The following PHF21B variants were observed in gnomAD, a reference collection of about 807,000 sequenced individuals.
The protein encoded by PHF21B is PHD finger protein 21B.
Under a neutral mutation model 62.2 loss-of-function variants are expected in PHF21B, and 22 were observed. That is an observed-to-expected ratio of 0.35 (90% CI 0.25 to 0.51). The LOEUF is 0.51. Ranked by LOEUF, PHF21B falls within the 20% of genes least tolerant of loss-of-function variation. The pLI, the probability that PHF21B is intolerant of heterozygous loss-of-function variation, is 0.97. For synonymous variants in PHF21B, 341 were observed against 314.7 expected (o/e 1.08, Z -0.88); for missense variants, 701 against 707.9 (o/e 0.99, Z 0.11).
chr22:44,962,957 GTTCTACC>G (rs1321866170), intron 2 of PHF21B, among the ~76,000 whole-genome samples: 2 of 152,192 alleles, frequency 1.3e-5, no homozygotes, highest in African/African-American at 2.4e-5. Context: ...ATCATGACTC[GTTCTACC>G]TTTGCATTAC....
Position 44,905,807 on chromosome 22 carries a change from T to C in PHF21B, c.831+8015A>G, listed in dbSNP as rs572165734. ...CCAGGCCTGGCTAATTTTTTGTATTTTGAGTAGAGACAGGGTTTCACCGTG... is the reference window on the plus strand; with the variant it reads ...CCAGGCCTGGCTAATTTTTTGTATTCTGAGTAGAGACAGGGTTTCACCGTG... On this transcript the variant is annotated intron_variant, in intron 5 of 12. Coordinates refer to ENST00000313237, the MANE Select transcript of PHF21B (RefSeq NM_138415.5). 1.5e-3 allele frequency among the ~76,000 whole-genome samples: 227 copies of C among 152,300 alleles called. 1 individual carries two copies. The highest frequency in any genetic ancestry group is 7.7e-3 in the South Asian group (37 of 4,826).
intron 2 of PHF21B, among the ~76,000 whole-genome samples, chr22:44,964,127 T>A (rs188829641): frequency 6.6e-6 from 1 of 152,188 alleles, no homozygotes; most frequent in Non-Finnish European, 1.5e-5. Context: ...GTGGGGAAGA[T>A]GAAACAGATG....
At chr22:44,883,590 A>ACTCTTC (rs1202383707) in intron 12 of PHF21B, among the ~76,000 whole-genome samples, 1 of 151,432 alleles carries the variant, frequency 6.6e-6, no homozygotes, top group Non-Finnish European at 1.5e-5. Flanking sequence ...AGCTGCCCAC[A>ACTCTTC]CTCTTCCTCC....
At chr22:44,961,435 C>A (rs1250875622) in intron 2 of PHF21B, among the ~76,000 whole-genome samples, 1 of 152,132 alleles carries the variant, frequency 6.6e-6, no homozygotes, top group Non-Finnish European at 1.5e-5. Flanking sequence ...CTCTAGGAGT[C>A]CCTAGTATCC....
rs758015779 is a variant in PHF21B at position 44,896,880 on chromosome 22, G to GTTTTTTGTTT, written c.832-798_832-797insAAACAAAAAA. 4.4e-4 allele frequency among the ~76,000 whole-genome samples: 37 copies of GTTTTTTGTTT among 84,046 alleles called. No individual in the cohort carries two copies. In the South Asian group the frequency reaches 0.012, roughly 28 times the overall value. The allele number at this position is 84,046 out of a possible 152,430, so 55.1% of individuals were successfully genotyped here. ...AACAGGGTGGCACTTAGTTTTATCT[G>GTTTTTTGTTT]TTTTTTTTTTTTTTTTGAGACAGGT... On this transcript the variant is annotated intron_variant, in intron 5 of 12. Transcript: ENST00000313237.
At chr22:44,967,434 G>A (rs1454170697) in intron 2 of PHF21B, among the ~76,000 whole-genome samples, 1 of 152,044 alleles carries the variant, frequency 6.6e-6, no homozygotes, top group Non-Finnish European at 1.5e-5. Flanking sequence ...TGTTAGCCAG[G>A]ATAGTCTCGA....
intron 2 of PHF21B, among the ~76,000 whole-genome samples, chr22:44,978,973 G>A (rs867225018): frequency 2.0e-5 from 3 of 152,246 alleles, no homozygotes; most frequent in South Asian, 2.1e-4. Flanking sequence ...CATCTTCCCA[G>A]TTCACAGCCT....
At chr22:44,912,883 A>AAAAAAAAAAAAAAAAAAAAAAAG (rs2071368403) in intron 5 of PHF21B, among the ~76,000 whole-genome samples, 1 of 149,016 alleles carries the variant, frequency 6.7e-6, no homozygotes, top group African/African-American at 2.5e-5. Context: ...TATCTCAAAA[A>AAAAAAAAAAAAAAAAAAAAAAAG]AAAAAAAAAA....
At chr22:44,935,272 T>G (rs191789736) in intron 2 of PHF21B, among the ~76,000 whole-genome samples, 89 of 152,286 alleles carry the variant, frequency 5.8e-4, no homozygotes, top group Admixed American at 1.4e-3. Context: ...TTCCCTCCTC[T>G]GTAAACAGGG....
intron 5 of PHF21B, among the ~76,000 whole-genome samples, chr22:44,896,776 T>TTGTAA (rs1298843551): frequency 7.9e-5 from 12 of 152,166 alleles, no homozygotes; most frequent in African/African-American, 2.9e-4. Context: ...TTCTCCAGTT[T>TTGTAA]TGTAATGACC....
At position 44,885,549 on chromosome 22, in the gene PHF21B, G is replaced by A; in HGVS notation, c.1274-20C>T. 1 of 1,568,508 alleles carries A rather than the reference G, an allele frequency of 6.4e-7. No homozygotes were observed. The highest frequency in any genetic ancestry group is 8.6e-7 in the Non-Finnish European group (1 of 1,156,272). On this transcript the variant is annotated intron_variant, in intron 11 of 12. Coordinates refer to ENST00000313237, the MANE Select transcript of PHF21B (RefSeq NM_138415.5). ...CTTTGACTAGAAAAGAGAAGGCCAG[G>A]TCCCTGGAGAGGGGCAGGTAAGGAG...
At chr22:44,930,861 TCTC>T (rs1182278911) in intron 2 of PHF21B, among the ~76,000 whole-genome samples, 7 of 152,150 alleles carry the variant, frequency 4.6e-5, no homozygotes, top group Admixed American at 2.6e-4. Context: ...CTCGGTATCT[TCTC>T]CTGCCAGGAA....
At chr22:44,947,387 T>C (rs1203864824) in intron 2 of PHF21B, among the ~76,000 whole-genome samples, 1 of 152,232 alleles carries the variant, frequency 6.6e-6, no homozygotes, top group Non-Finnish European at 1.5e-5. Flanking sequence ...CTGACAGCCA[T>C]GGATGCTAAC....
chr22:44,885,489 A>C lies in PHF21B; in HGVS notation c.1314T>G (p.Ser438Arg). The C allele has an allele frequency of 6.3e-7, 1 of 1,599,992 alleles. No homozygotes were observed. Among genetic ancestry groups the C allele is most frequent in the Non-Finnish European group, 8.5e-7 (1 of 1,173,540 alleles). ...GCTGCTGGTGCTCGTTCTGCAGCTC[A>C]CTGCCTCGTTGCAGCAGCTTCTGCT... Reference protein sequence around the residue: ...EEKQKLLQRGSELQNEHQQLE... With the variant: ...EEKQKLLQRGRELQNEHQQLE... The change falls in exon 12 of 13, where the codon AGT (serine) becomes AGG (arginine). Residue 438 changes from serine (S) to arginine (R), a missense_variant. Coordinates refer to ENST00000313237, the MANE Select transcript of PHF21B (RefSeq NM_138415.5).
intron 5 of PHF21B, chr22:44,901,776 C>T (rs867054844): frequency 3.5e-5 from 11 of 310,420 alleles, no homozygotes; most frequent in African/African-American, 2.4e-4. Flanking sequence ...TCCAGAAAGG[C>T]CGTGTACAAG....
chr22:45,006,809 G>C (rs1042263024), intron 2 of PHF21B, among the ~76,000 whole-genome samples: 1 of 151,550 alleles, frequency 6.6e-6, no homozygotes, highest in South Asian at 2.1e-4. Flanking sequence ...TGAAAAAAGG[G>C]CTTAGTAACC....
intron 6 of PHF21B, among the ~76,000 whole-genome samples, chr22:44,895,778 T>C (rs2071045705): frequency 1.3e-5 from 2 of 152,216 alleles, no homozygotes; most frequent in African/African-American, 2.4e-5. Flanking sequence ...GGAAGGCTTC[T>C]CTGTCTTGTT....
chr22:44,997,327 C>T (rs985698963), intron 2 of PHF21B, among the ~76,000 whole-genome samples: 11 of 152,242 alleles, frequency 7.2e-5, no homozygotes, highest in Admixed American at 5.9e-4. Context: ...GGAATCACCT[C>T]GAGGGCTCTG....
At chr22:44,891,984 C>A (rs1442352667) in intron 7 of PHF21B, among the ~76,000 whole-genome samples, 2 of 152,282 alleles carry the variant, frequency 1.3e-5, no homozygotes, top group Non-Finnish European at 2.9e-5. Flanking sequence ...TGGGGAAGGG[C>A]CCCCTCGGGC....
Sources: allele counts gnomAD v4.1 joint callset (sites outside exome capture counted in the v4.1 genomes callset), GRCh38; gene constraint gnomAD v4.1.1; transcripts MANE v1.5; gene names NCBI Gene and HGNC (gene_info 2026-07-23, HGNC 2026-07-21).